The following ATP8B4 variants were observed in gnomAD, a reference collection of about 807,000 sequenced individuals.
The protein encoded by ATP8B4 is ATPase phospholipid transporting 8B4 (putative), also known as probable phospholipid-transporting ATPase IM.
In ATP8B4, 133 loss-of-function variants were observed where a neutral mutation model predicts 145.6. That is an observed-to-expected ratio of 0.91 (90% CI 0.79 to 1.05). ATP8B4 has a LOEUF of 1.05. Ranked by LOEUF, ATP8B4 falls within the 50% of genes least tolerant of loss-of-function variation. The probability of loss-of-function intolerance (pLI) is 0.00; values close to 1 mark genes in which losing one functional copy is unlikely to be tolerated. For missense variants in ATP8B4, 1,458 were observed against 1,425.2 expected (o/e 1.02, Z -0.37); for synonymous variants, 507 against 492.9 (o/e 1.03, Z -0.38).
chr15:50,047,308 C>T, intron 4 of ATP8B4, 43 bp downstream of exon 4: 1 of 1,272,142 alleles, frequency 7.9e-7, no homozygotes, highest in South Asian at 1.2e-5. Flanking sequence ...TTTATGAATA[C>T]TTTAAACAAA....
chr15:50,072,924 CTCTCTCTCTCTCTCTCTCT>C (rs2053849371), intron 3 of ATP8B4, among the ~76,000 whole-genome samples: 7 of 10,556 alleles, frequency 6.6e-4, no homozygotes, highest in Admixed American at 2.5e-3. Flanking sequence ...TGCCCGGCCT[CTCTCTCTCTCTCTCTCTCT>C]CTCTCTCTCT....
intron 8 of ATP8B4, among the ~76,000 whole-genome samples, chr15:49,999,108 A>G (rs2047676339): frequency 6.6e-6 from 1 of 152,076 alleles, no homozygotes; most frequent in Non-Finnish European, 1.5e-5. Context: ...GGCACTATTC[A>G]CAATAGCAAA....
At chr15:50,112,360 C>G (rs2056987313) in intron 1 of ATP8B4, among the ~76,000 whole-genome samples, 1 of 151,966 alleles carries the variant, frequency 6.6e-6, no homozygotes, top group Non-Finnish European at 1.5e-5. Context: ...AGTGTCCCCA[C>G]CAGGGTGGGG....
intron 23 of ATP8B4, chr15:49,895,610 A>G (rs149134515): frequency 1.3e-5 from 2 of 152,368 alleles, no homozygotes; most frequent in South Asian, 2.1e-4. Flanking sequence ...GCTGGGTTCA[A>G]CCATCAAGCT....
In ATP8B4 at chr15:49,972,583, A is replaced by G. The variant is rs577935646; in HGVS notation, c.1242T>C (p.Tyr414=). 276 of 1,611,312 alleles carry G rather than the reference A, an allele frequency of 1.7e-4. 2 individuals carry two copies. In the South Asian group the frequency reaches 1.8e-3, roughly 11 times the overall value. Residue 414 remains tyrosine, a splice_region_variant and synonymous_variant, in exon 13 of 28, where the codon TAT becomes TAC. Transcript: ENST00000284509. The part of the protein sequence containing the change: ...FKRCSINGRI[Y]GEVHDDLDQK... The stretch of plus-strand genomic sequence containing the variant: ...AGAGAAAGGAACTGTTTCTCTTACC[A>G]TAGATTCTCCCATTAATGGAACATC...
chr15:50,172,660 G>T (rs2044695737), intron 1 of ATP8B4, among the ~76,000 whole-genome samples: 1 of 151,624 alleles, frequency 6.6e-6, no homozygotes, highest in Admixed American at 6.6e-5. Flanking sequence ...GAAGTGAGGA[G>T]CTCCTCTTCC....
At chr15:50,129,228 G>A (rs751274851) in intron 1 of ATP8B4, among the ~76,000 whole-genome samples, 12 of 152,050 alleles carry the variant, frequency 7.9e-5, no homozygotes, top group Non-Finnish European at 1.2e-4. Flanking sequence ...TATCAAGAAC[G>A]CTGTATTAGT....
chr15:49,957,594 G>A (rs1198671877), intron 14 of ATP8B4, among the ~76,000 whole-genome samples: 1 of 151,914 alleles, frequency 6.6e-6, no homozygotes, highest in South Asian at 2.1e-4. Flanking sequence ...AAAATAAAAG[G>A]TGGGCAAATA....
intron 16 of ATP8B4, among the ~76,000 whole-genome samples, chr15:49,927,158 T>C (rs1436084034): frequency 6.6e-6 from 1 of 151,156 alleles, no homozygotes. Context: ...TAGTATATTC[T>C]GTTCCCTCTG....
intron 25 of ATP8B4, among the ~76,000 whole-genome samples, chr15:49,872,419 C>A (rs543786111): frequency 6.6e-6 from 1 of 152,088 alleles, no homozygotes; most frequent in African/African-American, 2.4e-5. Flanking sequence ...TTGGACTCAG[C>A]GACTTACTTT....
At chr15:50,130,274 A>C (rs2057336958) in intron 1 of ATP8B4, among the ~76,000 whole-genome samples, 1 of 152,122 alleles carries the variant, frequency 6.6e-6, no homozygotes, top group Admixed American at 6.5e-5. Context: ...CCATCATGGC[A>C]CTTGCCTTGC....
intron 14 of ATP8B4, among the ~76,000 whole-genome samples, chr15:49,954,068 T>A (rs2043337264): frequency 6.8e-6 from 1 of 148,114 alleles, no homozygotes; most frequent in African/African-American, 2.4e-5. Flanking sequence ...CACATGCTTA[T>A]TATGGCTTTT....
At chr15:49,872,682 C>A (rs1436384788) in intron 25 of ATP8B4, among the ~76,000 whole-genome samples, 4 of 152,068 alleles carry the variant, frequency 2.6e-5, no homozygotes, top group Non-Finnish European at 4.4e-5. Context: ...ACCTGGTGAC[C>A]AGTCTTCAAA....
intron 2 of ATP8B4, among the ~76,000 whole-genome samples, chr15:50,094,610 G>T (rs151207788): frequency 1.4e-5 from 2 of 143,174 alleles, no homozygotes; most frequent in South Asian, 2.2e-4. Flanking sequence ...ACATATATAC[G>T]TATATACACA....
intron 23 of ATP8B4, among the ~76,000 whole-genome samples, chr15:49,886,555 T>A (rs2036212777): frequency 6.6e-6 from 1 of 152,218 alleles, no homozygotes; most frequent in African/African-American, 2.4e-5. Context: ...ATTTCTATAA[T>A]AAACTATGGT....
chr15:50,108,281 A>G (rs930304298), intron 1 of ATP8B4, among the ~76,000 whole-genome samples: 2 of 151,774 alleles, frequency 1.3e-5, no homozygotes, highest in African/African-American at 2.4e-5. Context: ...CTCTCCCTCT[A>G]TGTTCCTCCC....
chr15:49,874,986 G>A (rs979776600), intron 25 of ATP8B4, among the ~76,000 whole-genome samples: 1 of 152,028 alleles, frequency 6.6e-6, no homozygotes, highest in Admixed American at 6.6e-5. Context: ...CAAAAAAAAA[G>A]AGAAAAAGAT....
At chr15:49,946,207 T>C (rs1197702870) in intron 14 of ATP8B4, among the ~76,000 whole-genome samples, 1 of 152,144 alleles carries the variant, frequency 6.6e-6, no homozygotes, top group Non-Finnish European at 1.5e-5. Context: ...TTCTATATAG[T>C]AACAACAAGC....
chr15:50,146,081 C>T (rs1459440417), intron 1 of ATP8B4, among the ~76,000 whole-genome samples: 13 of 144,276 alleles, frequency 9.0e-5, no homozygotes, highest in Admixed American at 2.2e-4. Context: ...AGCGCGATCT[C>T]GGGTCACTGC....
Sources: allele counts gnomAD v4.1 joint callset (sites outside exome capture counted in the v4.1 genomes callset), GRCh38; gene constraint gnomAD v4.1.1; transcripts MANE v1.5; gene names NCBI Gene and HGNC (gene_info 2026-07-23, HGNC 2026-07-21).